C17orf75: variants seen among roughly 807,000 people sequenced by gnomAD.
The protein encoded by C17orf75 is protein Njmu-R1.
A neutral mutation model predicts 49.6 loss-of-function variants in C17orf75; 32 were observed. That is an observed-to-expected ratio of 0.65 (90% confidence interval 0.49 to 0.87). The LOEUF is 0.87. Ranked by LOEUF, C17orf75 falls within the 40% of genes least tolerant of loss-of-function variation. C17orf75 has a pLI of 0.00. For missense variants in C17orf75, 428 were observed against 473.9 expected (o/e 0.90, Z 0.90); for synonymous variants, 158 against 159.5 (o/e 0.99, Z 0.07).
At chr17:32,336,957 A>G (rs1218629900) in intron 5 of C17orf75, among the ~76,000 whole-genome samples, 1 of 152,010 alleles carries the variant, frequency 6.6e-6, no homozygotes, top group Non-Finnish European at 1.5e-5. Context: ...AGTTCAAGAC[A>G]AGCCTGGGCA....
At position 32,331,652 on chromosome 17, in the gene C17orf75, T is replaced by C. The variant is rs2041274197; in HGVS notation, c.*111A>G. The C allele has an allele frequency of 1.7e-5, 15 of 868,516 alleles. No individual in the cohort carries two copies. The highest frequency in any genetic ancestry group is 7.8e-5 in the East Asian group (3 of 38,524). 53.8% of individuals were successfully genotyped at this position (868,516 alleles called of 1,614,324 possible). A position where few individuals can be genotyped will look rare whatever the true frequency, so the allele number is the denominator to read the frequency against. ...GTAAAATACAAAAAGAAAATCTGGA[T>C]TGAGTTTCAAATCATCTTAAATAGC... On this transcript the variant is annotated 3_prime_UTR_variant, in exon 10 of 10. Transcript: ENST00000577809.
chr17:32,333,300 G>A lies in C17orf75; in HGVS notation c.975+117C>T. 4.2e-6 allele frequency: 3 copies of A among 719,076 alleles called. No homozygotes were observed. In the South Asian group the frequency reaches 5.7e-5, roughly 14 times the overall value. 44.5% of individuals were successfully genotyped at this position (719,076 alleles called of 1,614,324 possible). ...TGTCTTCTGATAATTCCAGTTTTGAGAACATCCTAATTAACAGACATCACA... is the reference window on the plus strand; with the variant it reads ...TGTCTTCTGATAATTCCAGTTTTGAAAACATCCTAATTAACAGACATCACA... On this transcript the variant is annotated intron_variant, in intron 9 of 9. Transcript: ENST00000577809.
upstream of C17orf75, among the ~76,000 whole-genome samples, chr17:32,345,977 T>G (rs143957736): frequency 1.2e-3 from 189 of 152,300 alleles, 3 homozygotes; most frequent in Non-Finnish European, 2.3e-3. Context: ...GATATATGTA[T>G]CTATACTAAC....
intron 8 of C17orf75, among the ~76,000 whole-genome samples, chr17:32,333,780 T>A (rs1425669056): frequency 6.6e-6 from 1 of 152,102 alleles, no homozygotes; most frequent in African/African-American, 2.4e-5. Context: ...ATTTATTTCT[T>A]TATAAAAACA....
intron 1 of C17orf75, among the ~76,000 whole-genome samples, chr17:32,347,610 A>G (rs2041435325): frequency 6.6e-6 from 1 of 152,132 alleles, no homozygotes; most frequent in Non-Finnish European, 1.5e-5. Context: ...TAGTCTGGAA[A>G]TTTGGAAATC....
At position 32,333,523 on chromosome 17, in the gene C17orf75, A is replaced by G. The variant is rs761020816; in HGVS notation, c.872-3T>C. On this transcript the variant is annotated splice_region_variant and splice_polypyrimidine_tract_variant and intron_variant, in intron 8 of 9. Coordinates refer to ENST00000577809, the MANE Select transcript of C17orf75 (RefSeq NM_022344.4). Reference sequence around the variant, plus strand: ...ATCCTCACAAAACCGGTTACTTCCTATAAAACATTTCAGAGAGACTAAATA... The same window carrying G: ...ATCCTCACAAAACCGGTTACTTCCTGTAAAACATTTCAGAGAGACTAAATA... 6.2e-7 allele frequency: 1 copy of G among 1,601,576 alleles called. No homozygotes were observed. The highest frequency in any genetic ancestry group is 1.1e-5 in the South Asian group (1 of 89,114).
In C17orf75 at chr17:32,331,883, A is replaced by G. The variant is rs2041277111; in HGVS notation, c.1071T>C (p.Cys357=). 6.2e-7 allele frequency: 1 copy of G among 1,613,496 alleles called. No individual in the cohort carries two copies. The highest frequency in any genetic ancestry group is 2.2e-5 in the East Asian group (1 of 44,826). The stretch of plus-strand genomic sequence containing the variant: ...TCTTCAAAAGTATATCTCCACTACC[A>G]CAGTTCTTTAGGAACATGTAACATT... ...LFKCYMFLKN[C]GSGDILLKIV... Residue 357 remains cysteine, a synonymous_variant, in exon 10 of 10, where the codon TGT becomes TGC. Coordinates refer to ENST00000577809, the MANE Select transcript of C17orf75 (RefSeq NM_022344.4).
intron 1 of C17orf75, among the ~76,000 whole-genome samples, chr17:32,348,100 C>T (rs2041439575): frequency 6.6e-6 from 1 of 151,926 alleles, no homozygotes; most frequent in Non-Finnish European, 1.5e-5. Context: ...TCACTGCAGC[C>T]TCCGCCTCCC....
chr17:32,334,597 C>T lies in C17orf75; in HGVS notation c.743G>A (p.Ser248Asn). The T allele has an allele frequency of 6.2e-7, 1 of 1,611,638 alleles. No individual in the cohort carries two copies. The highest frequency in any genetic ancestry group is 8.5e-7 in the Non-Finnish European group (1 of 1,179,350). ...KTKRDINRFL[S>N]VASLQGLIHE... ...AATAAGTCCTTGAAGACTGGCCACA[C>T]TCAGAAACCTGCCACACACACAAGT... Residue 248 changes from serine (S) to asparagine (N), a missense_variant, in exon 8 of 10, where the codon AGT becomes AAT. By Grantham distance (46) the Ser-to-Asn change is conservative. Coordinates refer to ENST00000577809, the MANE Select transcript of C17orf75 (RefSeq NM_022344.4).
intron 3 of C17orf75, 50 bp downstream of exon 3, chr17:32,339,763 A>T: frequency 6.2e-7 from 1 of 1,601,210 alleles, no homozygotes; most frequent in East Asian, 2.2e-5. Flanking sequence ...ATCACTTCTC[A>T]TATTTAGTTC....
chr17:32,341,417 A>T (rs2041379548), intron 1 of C17orf75, 133 bp from the exon 2 acceptor site: 2 of 853,568 alleles, frequency 2.3e-6, no homozygotes, highest in African/African-American at 1.7e-5. Flanking sequence ...GCCTATCCTC[A>T]TGACAAGGAA....
At chr17:32,345,483 A>T (rs1037734389), upstream of C17orf75, among the ~76,000 whole-genome samples, 1 of 151,866 alleles carries the variant, frequency 6.6e-6, no homozygotes, top group Non-Finnish European at 1.5e-5. Flanking sequence ...CTCAGGGGGG[A>T]AAAAAGAAAT....
At chr17:32,335,130 A>G (rs2041312855) in intron 6 of C17orf75, among the ~76,000 whole-genome samples, 193 bp downstream of exon 6, 1 of 152,274 alleles carries the variant, frequency 6.6e-6, no homozygotes, top group African/African-American at 2.4e-5. Context: ...AAGACTCAGC[A>G]TTTGAAATTC....
In C17orf75 at chr17:32,342,051, A is replaced by T; in HGVS notation, c.89T>A (p.Leu30His). 1 of 1,556,598 alleles carries T rather than the reference A, an allele frequency of 6.4e-7. No individual in the cohort carries two copies. ...EEGGSAEERR[L>H]EPPSSSHYCL... ...GTAGTGGCTGCTGGACGGCGGCTCG[A>T]GTCTCCGCTCCTCGGCTGAGCCTCC... Residue 30 changes from leucine to histidine, a missense_variant, in exon 1 of 10, where the codon CTC (leucine) becomes CAC (histidine). Transcript: ENST00000577809.
At chr17:32,343,249 A>G (rs757226741), upstream of C17orf75, among the ~76,000 whole-genome samples, 1 of 152,120 alleles carries the variant, frequency 6.6e-6, no homozygotes. Flanking sequence ...GAACTGTGAA[A>G]TAATACATTT....
At chr17:32,348,060 C>T (rs867730303) in intron 1 of C17orf75, among the ~76,000 whole-genome samples, 9 of 151,800 alleles carry the variant, frequency 5.9e-5, no homozygotes, top group African/African-American at 1.9e-4. Context: ...CTCTGTCGCC[C>T]GGACTGGAGT....
chr17:32,332,707 A>G (rs2041287679), intron 9 of C17orf75, among the ~76,000 whole-genome samples: 1 of 152,198 alleles, frequency 6.6e-6, no homozygotes, highest in Non-Finnish European at 1.5e-5. Flanking sequence ...TTAAGGCTGC[A>G]GTAAGCCATG....
intron 5 of C17orf75, among the ~76,000 whole-genome samples, 161 bp downstream of exon 5, chr17:32,337,736 G>A (rs1298411511): frequency 6.6e-6 from 1 of 152,092 alleles, no homozygotes. Context: ...ACCATGCCTG[G>A]CTAAGTTTTA....
Position 32,334,508 on chromosome 17 carries a change from T to A in C17orf75, c.832A>T (p.Ile278Phe). The change falls in exon 8 of 10, where the codon ATC becomes TTC. Residue 278 changes from isoleucine (I) to phenylalanine (F), a missense_variant. Physicochemically the swap from Ile to Phe is conservative, Grantham distance 21. Coordinates refer to ENST00000577809, the MANE Select transcript of C17orf75 (RefSeq NM_022344.4). ...TGAGGCTGGGAGCTGCTGCAATCGATGACCACAGACTTATGCTGCTCCTCT... is the reference window on the plus strand; with the variant it reads ...TGAGGCTGGGAGCTGCTGCAATCGAAGACCACAGACTTATGCTGCTCCTCT... Reference protein sequence around the residue: ...MTEEQHKSVVIDCSSSQPQFC... With the variant: ...MTEEQHKSVVFDCSSSQPQFC... 6.2e-7 allele frequency: 1 copy of A among 1,612,578 alleles called. No homozygotes were observed. The highest frequency in any genetic ancestry group is 8.5e-7 in the Non-Finnish European group (1 of 1,179,400).
Sources: allele counts gnomAD v4.1 joint callset (sites outside exome capture counted in the v4.1 genomes callset), GRCh38; gene constraint gnomAD v4.1.1; transcripts MANE v1.5; gene names NCBI Gene and HGNC (gene_info 2026-07-23, HGNC 2026-07-21).